Variants in ARHGAP42 observed in about 807,000 individuals in gnomAD.
The protein encoded by ARHGAP42 is Rho GTPase activating protein 42, also known as rho GTPase-activating protein 42.
A neutral mutation model predicts 125.0 loss-of-function variants in ARHGAP42; 63 were observed. The ratio of observed to expected loss-of-function variants is 0.50; its 90% CI spans 0.41 to 0.62. ARHGAP42 has a LOEUF of 0.62. Ranked by LOEUF, ARHGAP42 falls within the 20% of genes least tolerant of loss-of-function variation. ARHGAP42 has a pLI of 0.00. For synonymous variants in ARHGAP42, 339 were observed against 351.0 expected (o/e 0.97, Z 0.38); for missense variants, 766 against 1,024.2 (o/e 0.75, Z 3.44).
intron 1 of ARHGAP42, among the ~76,000 whole-genome samples, chr11:100,759,825 T>C (rs553414886): frequency 1.3e-5 from 2 of 152,024 alleles, no homozygotes; most frequent in Non-Finnish European, 2.9e-5. Context: ...CTGTGTAAAA[T>C]TACTTGGCTT....
chr11:100,784,583 T>C (rs1237288934), intron 2 of ARHGAP42, among the ~76,000 whole-genome samples: 1 of 152,154 alleles, frequency 6.6e-6, no homozygotes, highest in Non-Finnish European at 1.5e-5. Context: ...TACCAGCACA[T>C]TTATGTATTC....
chr11:100,743,914 A>G (rs1277726386), intron 1 of ARHGAP42, among the ~76,000 whole-genome samples: 2 of 152,090 alleles, frequency 1.3e-5, no homozygotes, highest in Non-Finnish European at 2.9e-5. Flanking sequence ...TGTGTCTTTC[A>G]TTTCCAGAAG....
chr11:100,908,644 A>G (rs1178820755), intron 4 of ARHGAP42, among the ~76,000 whole-genome samples: 1 of 152,174 alleles, frequency 6.6e-6, no homozygotes, highest in Admixed American at 6.5e-5. Context: ...CCAGTTATCC[A>G]TTGATGGACA....
chr11:100,848,339 A>C (rs1478049089), intron 3 of ARHGAP42, among the ~76,000 whole-genome samples: 1 of 152,156 alleles, frequency 6.6e-6, no homozygotes, highest in Admixed American at 6.6e-5. Context: ...TACTGAAAGC[A>C]GAAAGTTACA....
chr11:100,824,026 G>A (rs1324067182), intron 3 of ARHGAP42, among the ~76,000 whole-genome samples: 2 of 152,042 alleles, frequency 1.3e-5, no homozygotes, highest in Non-Finnish European at 2.9e-5. Context: ...AAAAGTAAGG[G>A]CATTATTTGG....
chr11:100,823,411 T>G (rs905640298), intron 3 of ARHGAP42, among the ~76,000 whole-genome samples: 1 of 152,124 alleles, frequency 6.6e-6, no homozygotes, highest in Non-Finnish European at 1.5e-5. Flanking sequence ...TTTCAGAGCT[T>G]TTTCAGCAAC....
chr11:100,691,075 A>G (rs1861181588), intron 1 of ARHGAP42, among the ~76,000 whole-genome samples: 1 of 152,202 alleles, frequency 6.6e-6, no homozygotes, highest in Admixed American at 6.5e-5. Flanking sequence ...AGGAAAATCT[A>G]TACAAATCTT....
chr11:100,798,624 T>C (rs751262919), intron 3 of ARHGAP42, among the ~76,000 whole-genome samples: 1 of 152,252 alleles, frequency 6.6e-6, no homozygotes, highest in Non-Finnish European at 1.5e-5. Context: ...TGCACTGGCA[T>C]CAAAAATTCA....
rs182986673 is a variant in ARHGAP42 at position 100,688,743 on chromosome 11, A to G, written c.154+911A>G. The stretch of plus-strand genomic sequence containing the variant: ...AAAATTTATTTTTATTTATTTATGT[A>G]TTTATTTATTTTCCATCTTCAAAGG... On this transcript the variant is annotated intron_variant, in intron 1 of 23. Transcript: ENST00000298815. Among the ~76,000 whole-genome samples, 50 of 152,186 alleles carry G rather than the reference A, an allele frequency of 3.3e-4. 1 individual carries two copies. Among genetic ancestry groups the G allele is most frequent in the Admixed American group, 2.6e-3 (39 of 15,290 alleles).
chr11:100,702,734 C>T (rs7126783), intron 1 of ARHGAP42, among the ~76,000 whole-genome samples: 3 of 150,346 alleles, frequency 2.0e-5, no homozygotes, highest in East Asian at 3.9e-4. Flanking sequence ...TGCAATGGCA[C>T]GACCTCGGCT....
intron 4 of ARHGAP42, among the ~76,000 whole-genome samples, chr11:100,905,698 C>T (rs1331675127): frequency 1.3e-5 from 2 of 152,104 alleles, no homozygotes; most frequent in African/African-American, 2.4e-5. Flanking sequence ...AATCTTGGAC[C>T]GGACACAGTG....
intron 12 of ARHGAP42, among the ~76,000 whole-genome samples, chr11:100,954,566 T>C (rs1312314122): frequency 1.3e-5 from 2 of 152,180 alleles, no homozygotes; most frequent in Non-Finnish European, 2.9e-5. Flanking sequence ...TTACCATCTG[T>C]TATGAGTGTT....
chr11:100,770,280 G>T, intron 1 of ARHGAP42, 63 bp from the exon 2 acceptor site: 1 of 1,082,464 alleles, frequency 9.2e-7, no homozygotes, highest in South Asian at 1.7e-5. Context: ...TTTACATTTG[G>T]AAACTCATTC....
chr11:100,867,280 T>G (rs1165174106), intron 4 of ARHGAP42, among the ~76,000 whole-genome samples: 1 of 152,256 alleles, frequency 6.6e-6, no homozygotes, highest in African/African-American at 2.4e-5. Context: ...TCTCTAGCTA[T>G]GAAAGTCCTG....
At chr11:100,882,510 T>TC (rs1865985781) in intron 4 of ARHGAP42, among the ~76,000 whole-genome samples, 1 of 151,882 alleles carries the variant, frequency 6.6e-6, no homozygotes, top group Admixed American at 6.6e-5. Context: ...TTTTTTTTTT[T>TC]TTTAACAATT....
At chr11:100,692,584 T>C (rs974389191) in intron 1 of ARHGAP42, among the ~76,000 whole-genome samples, 1 of 152,194 alleles carries the variant, frequency 6.6e-6, no homozygotes, top group Non-Finnish European at 1.5e-5. Context: ...TTTATTTGTT[T>C]ATTACTCGGT....
chr11:100,941,965 G>A (rs928861452), intron 9 of ARHGAP42, 81 bp downstream of exon 9: 23 of 1,051,990 alleles, frequency 2.2e-5, no homozygotes, highest in Non-Finnish European at 3.2e-5. Flanking sequence ...AATCACATTT[G>A]TTTCTCTAGT....
At chr11:100,964,818 C>A (rs1565297760) in intron 16 of ARHGAP42, among the ~76,000 whole-genome samples, 1 of 152,120 alleles carries the variant, frequency 6.6e-6, no homozygotes, top group Admixed American at 6.5e-5. Context: ...CATTTCAGAA[C>A]AGCCCTTCTG....
rs111951064 is a variant in ARHGAP42, at chr11:100,807,541, A to T, written c.312+12375A>T. 6.0e-3 allele frequency among the ~76,000 whole-genome samples: 914 copies of T among 152,272 alleles called. 2 individuals carry two copies. Among genetic ancestry groups the T allele is most frequent in the Non-Finnish European group, 9.9e-3 (672 of 68,022 alleles). The stretch of plus-strand genomic sequence containing the variant: ...GATCCTTACAACAATCTGAAACAGC[A>T]CAGCCTGTAAATGAGTTACTCAGTG... On this transcript the variant is annotated intron_variant, in intron 3 of 23. Transcript: ENST00000298815.
Sources: allele counts gnomAD v4.1 joint callset (sites outside exome capture counted in the v4.1 genomes callset), GRCh38; gene constraint gnomAD v4.1.1; transcripts MANE v1.5; gene names NCBI Gene and HGNC (gene_info 2026-07-23, HGNC 2026-07-21).